The following ZMIZ2 variants were observed in gnomAD, a reference collection of about 807,000 sequenced individuals.
ZMIZ2 encodes zinc finger MIZ-type containing 2.
Under a neutral mutation model 93.9 loss-of-function variants are expected in ZMIZ2, and 26 were observed. That is an observed-to-expected ratio of 0.28 (90% CI 0.20 to 0.38). The LOEUF (loss-of-function observed/expected upper bound fraction) is 0.38, where lower values mean the gene tolerates loss of function less well. ZMIZ2 is among the 10% of genes least tolerant of loss of function. The probability of loss-of-function intolerance (pLI) is 1.00; values close to 1 mark genes in which losing one functional copy is unlikely to be tolerated. For missense variants in ZMIZ2, 1,023 were observed against 1,235.0 expected (o/e 0.83, Z 2.57); for synonymous variants, 485 against 516.4 (o/e 0.94, Z 0.82).
intron 1 of ZMIZ2, among the ~76,000 whole-genome samples, 164 bp downstream of exon 1, chr7:44,749,155 G>A (rs1789903779): frequency 6.6e-6 from 1 of 152,016 alleles, no homozygotes; most frequent in Admixed American, 6.5e-5. Flanking sequence ...GCCACGGTAG[G>A]GTTCACAGCT....
In ZMIZ2 at chr7:44,765,885, C is replaced by G. The variant is rs1055034934; in HGVS notation, c.2243-279C>G. The G allele has an allele frequency of 1.5e-6, 2 of 1,367,018 alleles. No homozygotes were observed. Among genetic ancestry groups the G allele is most frequent in the Non-Finnish European group, 1.9e-6 (2 of 1,052,392 alleles). The allele number at this position is 1,367,018 out of a possible 1,614,324, so 84.7% of individuals were successfully genotyped here. Reference sequence around the variant, plus strand: ...CAGGACTGGCCCCATCTGGGGCCCCCCTCTGGGACCCACCTCACACGCGTG... The same window carrying G: ...CAGGACTGGCCCCATCTGGGGCCCCGCTCTGGGACCCACCTCACACGCGTG... On this transcript the variant is annotated intron_variant, in intron 16 of 18. Coordinates refer to ENST00000309315, the MANE Select transcript of ZMIZ2 (RefSeq NM_031449.4). The surrounding 1 kb of genome is among the most constrained non-coding windows in gnomAD (Gnocchi z 4.1).
chr7:44,751,143 A>G (rs1790108972), intron 1 of ZMIZ2: 1 of 152,202 alleles, frequency 6.6e-6, no homozygotes, highest in Admixed American at 6.5e-5. Context: ...ACAGCAGAGA[A>G]CCATCAGGGG....
At chr7:44,758,224 A>T (rs1461612367) in intron 6 of ZMIZ2, 116 bp downstream of exon 6, 17 of 1,348,258 alleles carry the variant, frequency 1.3e-5, no homozygotes, top group African/African-American at 8.9e-5. Context: ...TCACGCCTGT[A>T]GTCCCTGCAC....
At chr7:44,760,633 C>T in intron 9 of ZMIZ2, 40 bp downstream of exon 9, 1 of 1,609,752 alleles carries the variant, frequency 6.2e-7, no homozygotes, top group Non-Finnish European at 8.5e-7. Flanking sequence ...GTGACAAGGC[C>T]AGGGTGGGCA....
chr7:44,755,085 G>T (rs560888949), intron 1 of ZMIZ2, among the ~76,000 whole-genome samples: 112 of 152,282 alleles, frequency 7.4e-4, no homozygotes, highest in Admixed American at 2.4e-3. Flanking sequence ...CACTTCCGTG[G>T]CTTATTTACT....
Position 44,757,870 on chromosome 7 carries a change from A to T in ZMIZ2, c.575A>T (p.Asn192Ile), listed in dbSNP as rs768269105. 6.3e-7 allele frequency: 1 copy of T among 1,589,072 alleles called. No homozygotes were observed. Residue 192 changes from asparagine to isoleucine, a missense_variant, in exon 6 of 19, where the codon AAC becomes ATC. Around this residue, in one of 3 missense-constraint regions of ZMIZ2, gnomAD observed 656 missense variants for 777.1 expected, o/e 0.84. Transcript: ENST00000309315. ...TAGATGGGGGCCGGACAGTCTTTTA[A>T]CAGCCAGTTTCTGCAGCATGGAGGT... ...YGAMGAGQSF[N>I]SQFLQHGGPR...
chr7:44,757,887 C>T lies in ZMIZ2; in HGVS notation c.592C>T (p.His198Tyr), dbSNP rs1405259191. ...GQSFNSQFLQ[H>Y]GGPRGPSVPA... ...GTCTTTTAACAGCCAGTTTCTGCAG[C>T]ATGGAGGTCCCCGGGGGCCTAGTGT... Residue 198 changes from histidine to tyrosine, a missense_variant, in exon 6 of 19, where the codon CAT becomes TAT. By Grantham distance (83) the His-to-Tyr change is moderately conservative (BLOSUM62 2). This residue lies in a region of ZMIZ2 where 656 missense variants were observed against 777.1 expected (regional missense o/e 0.84). Transcript: ENST00000309315. 6.2e-7 allele frequency: 1 copy of T among 1,600,646 alleles called. No homozygotes were observed. The highest frequency in any genetic ancestry group is 1.7e-5 in the Admixed American group (1 of 57,432).
In ZMIZ2 at chr7:44,766,624, C is replaced by G; in HGVS notation, c.2616C>G (p.Ser872Arg). 1 of 1,613,322 alleles carries G rather than the reference C, an allele frequency of 6.2e-7. No individual in the cohort carries two copies. Among genetic ancestry groups the G allele is most frequent in the Non-Finnish European group, 8.5e-7 (1 of 1,180,014 alleles). The change falls in exon 18 of 19, where the codon AGC (serine) becomes AGG (arginine). Residue 872 changes from serine (S) to arginine (R), a missense_variant. Physicochemically the swap from Ser to Arg is moderately radical, Grantham distance 110 (BLOSUM62 -1). Transcript: ENST00000309315. This position sits in a 1 kb window ranked among gnomAD's most constrained non-coding sequence, Gnocchi z 4.4. ...SPATGVMGPP[S>R]MSGAGEAPEP... ...CCACAGGCGTGATGGGGCCCCCCAG[C>G]ATGTCTGGAGCCGGGGAGGCCCCAG...
At chr7:44,756,625 G>A (rs1790618165) in intron 3 of ZMIZ2, 86 bp downstream of exon 3, 1 of 1,429,726 alleles carries the variant, frequency 7.0e-7, no homozygotes, top group African/African-American at 1.4e-5. Flanking sequence ...AGCTCTGAGA[G>A]ACGAAGAGGC....
chr7:44,760,338 C>T (rs1343950439), intron 8 of ZMIZ2, 87 bp from the exon 9 acceptor site: 1 of 1,576,290 alleles, frequency 6.3e-7, no homozygotes, highest in Non-Finnish European at 8.6e-7. Context: ...CCTCTGTTAT[C>T]ATGGTTCCCA....
Position 44,763,387 on chromosome 7 carries a change from C to T in ZMIZ2, c.1834C>T (p.Arg612Ter), listed in dbSNP as rs766666916. The stretch of plus-strand genomic sequence containing the variant: ...CTTCCGCAGGATCCAGCTCCCTGCC[C>T]GAGGTCATGACTGTCGCCACATACA... The part of the protein sequence containing the change: ...ITFRRIQLPA[R>*]GHDCRHIQCF... Residue 612 changes from arginine (R) to a stop codon, truncating the protein, a stop_gained, in exon 13 of 19, where the codon CGA (arginine) becomes TGA (stop). Coordinates refer to ENST00000309315, the MANE Select transcript of ZMIZ2 (RefSeq NM_031449.4). LOFTEE classifies it high-confidence loss of function. The surrounding 1 kb of genome is among the most constrained non-coding windows in gnomAD (Gnocchi z 5.6). 2 of 1,613,946 alleles carry T rather than the reference C, an allele frequency of 1.2e-6. No individual in the cohort carries two copies. Among genetic ancestry groups the T allele is most frequent in the Non-Finnish European group, 1.7e-6 (2 of 1,180,018 alleles).
chr7:44,756,916 G>A, intron 3 of ZMIZ2, 31 bp from the exon 4 acceptor site: 1 of 1,610,178 alleles, frequency 6.2e-7, no homozygotes, highest in South Asian at 1.1e-5. Context: ...TGTTTGGCTG[G>A]TTCCCTTTGG....
intron 14 of ZMIZ2, 130 bp from the exon 15 acceptor site, chr7:44,764,811 C>T: frequency 1.1e-6 from 1 of 931,630 alleles, no homozygotes; most frequent in Non-Finnish European, 1.6e-6. Context: ...ACAGAGTTAC[C>T]TTGTTCAGTT....
upstream of ZMIZ2, chr7:44,748,757 CGCCG>C (rs1426162015): frequency 6.6e-6 from 1 of 151,386 alleles, no homozygotes; most frequent in African/African-American, 2.4e-5. Flanking sequence ...CCGCCCCGAG[CGCCG>C]GCTCGGGGCT....
Position 44,766,035 on chromosome 7 carries a change from CA to C in ZMIZ2, c.2243-125del. 17 of 1,452,458 alleles carry C rather than the reference CA, an allele frequency of 1.2e-5. No individual in the cohort carries two copies. Among genetic ancestry groups the C allele is most frequent in the Non-Finnish European group, 1.4e-5 (16 of 1,110,504 alleles). The allele number at this position is 1,452,458 out of a possible 1,614,324, so 90.0% of individuals were successfully genotyped here. A position where few individuals can be genotyped will look rare whatever the true frequency, so the allele number is the denominator to read the frequency against. The stretch of plus-strand genomic sequence containing the variant: ...GCCCTTTTCCAAATAGCGACTTCTG[CA>C]AAACCCGCTGTTGTTTGTGGGTGAG... On this transcript the variant is annotated intron_variant, in intron 16 of 18. Transcript: ENST00000309315. This position sits in a 1 kb window ranked among gnomAD's most constrained non-coding sequence, Gnocchi z 4.4.
intron 14 of ZMIZ2, 106 bp downstream of exon 14, chr7:44,764,592 G>A (rs1450754758): frequency 6.2e-6 from 8 of 1,297,252 alleles, no homozygotes; most frequent in East Asian, 2.3e-5. Flanking sequence ...CTGCTGGGAG[G>A]AGTCACTGCA....
At chr7:44,762,785 G>A in intron 11 of ZMIZ2, 96 bp from the exon 12 acceptor site, 1 of 820,982 alleles carries the variant, frequency 1.2e-6, no homozygotes, top group Non-Finnish European at 1.7e-6. Flanking sequence ...CCCCCACCTG[G>A]CAGCCCCTGA....
In ZMIZ2 at chr7:44,765,327, C is replaced by T; in HGVS notation, c.1998-8C>T. 3.1e-6 allele frequency: 5 copies of T among 1,612,398 alleles called. No individual in the cohort carries two copies. The highest frequency in any genetic ancestry group is 1.1e-5 in the South Asian group (1 of 91,038). ...GGAGGTAACCATTCCCCACCTGTCC[C>T]TGCCCAGCTCTGACTATGAGGAGAT... On this transcript the variant is annotated splice_region_variant and splice_polypyrimidine_tract_variant and intron_variant, in intron 15 of 18. Coordinates refer to ENST00000309315, the MANE Select transcript of ZMIZ2 (RefSeq NM_031449.4). The surrounding 1 kb of genome is among the most constrained non-coding windows in gnomAD (Gnocchi z 4.1).
At chr7:44,758,471 CAAAA>C (rs554628430) in intron 6 of ZMIZ2, among the ~76,000 whole-genome samples, 5 of 69,000 alleles carry the variant, frequency 7.2e-5, no homozygotes, top group South Asian at 8.9e-4. Flanking sequence ...GACCCTGTTT[CAAAA>C]AAAAAAAAAA....
Sources: gnomAD v4.1 joint callset for allele counts (sites outside exome capture counted in the v4.1 genomes callset) on GRCh38, gnomAD v4.1.1 for gene constraint, gnomAD v4.1.1 regional missense constraint, Gnocchi (gnomAD v3.1) non-coding constraint, MANE v1.5 for transcripts, NCBI Gene and HGNC (gene_info 2026-07-23, HGNC 2026-07-21) for gene names.